The following SMYD3 variants were observed in gnomAD, a reference collection of about 807,000 sequenced individuals.
SMYD3 encodes the protein SET and MYND domain containing 3.
In SMYD3, 36 loss-of-function variants were observed where a neutral mutation model predicts 57.7. The ratio of observed to expected loss-of-function variants is 0.62; its 90% CI spans 0.48 to 0.82. The LOEUF is 0.82. Among genes scored for constraint, SMYD3 ranks in the 40% least tolerant of loss-of-function variants. The pLI is 0.00. For synonymous variants in SMYD3, 211 were observed against 195.0 expected, an observed-to-expected ratio of 1.08 and a Z score of -0.68; for missense variants, 515 against 538.8, an observed-to-expected ratio of 0.96 and a Z score of 0.44.
intron 5 of SMYD3, among the ~76,000 whole-genome samples, chr1:246,081,806 C>A (rs2060641661): frequency 6.6e-6 from 1 of 152,208 alleles, no homozygotes; most frequent in African/African-American, 2.4e-5. Context: ...TACCTGTAAT[C>A]CTGGCACTTT....
At chr1:246,015,170 G>A (rs1044492573) in intron 5 of SMYD3, among the ~76,000 whole-genome samples, 34 of 152,066 alleles carry the variant, frequency 2.2e-4, no homozygotes, top group African/African-American at 7.7e-4. Flanking sequence ...CCCCCAGGGC[G>A]TGGTAGGTCA....
At chr1:246,256,721 T>C (rs938614280) in intron 5 of SMYD3, among the ~76,000 whole-genome samples, 2 of 152,094 alleles carry the variant, frequency 1.3e-5, no homozygotes, top group African/African-American at 2.4e-5. Context: ...CTTTGAAATG[T>C]TTGTTCTTGT....
intron 8 of SMYD3, among the ~76,000 whole-genome samples, chr1:245,894,588 A>C (rs1486797342): frequency 6.6e-6 from 1 of 152,006 alleles, no homozygotes; most frequent in East Asian, 1.9e-4. Context: ...GAAGGAACCA[A>C]CTCTGGACAC....
At chr1:246,123,299 G>A (rs1383694891) in intron 5 of SMYD3, among the ~76,000 whole-genome samples, 1 of 152,092 alleles carries the variant, frequency 6.6e-6, no homozygotes, top group African/African-American at 2.4e-5. Flanking sequence ...CCTGCATGGT[G>A]GCTCACGCCT....
intron 8 of SMYD3, among the ~76,000 whole-genome samples, chr1:245,867,244 A>G (rs1022494123): frequency 1.3e-5 from 2 of 152,244 alleles, no homozygotes; most frequent in Non-Finnish European, 2.9e-5. Context: ...GGCAAAGGCA[A>G]GGAACCAGTC....
At chr1:245,827,078 C>G (rs554605790) in intron 10 of SMYD3, among the ~76,000 whole-genome samples, 1 of 152,308 alleles carries the variant, frequency 6.6e-6, no homozygotes, top group African/African-American at 2.4e-5. Context: ...TGAGCACTCA[C>G]ACTGCGCTAA....
intron 10 of SMYD3, among the ~76,000 whole-genome samples, chr1:245,797,615 G>A (rs1046395924): frequency 1.3e-4 from 20 of 151,580 alleles, no homozygotes; most frequent in African/African-American, 4.6e-4. Context: ...CATGGCACAT[G>A]TATACATATG....
intron 1 of SMYD3, among the ~76,000 whole-genome samples, chr1:246,448,704 T>TAAAA (rs1553349829): frequency 0.23 from 19,133 of 81,424 alleles, 3,488 homozygotes; most frequent in African/African-American, 0.26. Flanking sequence ...CTCTTTTTTT[T>TAAAA]AAAAAAAAAA....
intron 5 of SMYD3, among the ~76,000 whole-genome samples, chr1:246,054,038 T>C (rs2060106890): frequency 6.6e-6 from 1 of 152,196 alleles, no homozygotes; most frequent in Admixed American, 6.5e-5. Flanking sequence ...GACCCAGGAC[T>C]TGTATCCATG....
chr1:245,828,235 T>G (rs1234914539), intron 10 of SMYD3, among the ~76,000 whole-genome samples: 1 of 152,216 alleles, frequency 6.6e-6, no homozygotes, highest in Non-Finnish European at 1.5e-5. Flanking sequence ...CAGAGTAAAG[T>G]GTGAAAGACT....
chr1:246,352,154 A>C (rs71585178), intron 2 of SMYD3, among the ~76,000 whole-genome samples: 1 of 150,320 alleles, frequency 6.7e-6, no homozygotes, highest in African/African-American at 2.4e-5. Context: ...AAAAAAAAAA[A>C]AAAAAAAAAC....
At chr1:246,301,893 G>A (rs970845619) in intron 5 of SMYD3, among the ~76,000 whole-genome samples, 1 of 152,164 alleles carries the variant, frequency 6.6e-6, no homozygotes, top group African/African-American at 2.4e-5. Context: ...GGGACAGAAA[G>A]TAAGCAAGGA....
At chr1:246,240,113 C>T (rs10924597) in intron 5 of SMYD3, among the ~76,000 whole-genome samples, 31,563 of 152,020 alleles carry the variant, frequency 0.21, 3,991 homozygotes, top group East Asian at 0.58. Context: ...CATTTGTCTA[C>T]TTTGGCTTTT....
At chr1:246,362,607 C>T (rs1176045833) in intron 1 of SMYD3, among the ~76,000 whole-genome samples, 5 of 152,182 alleles carry the variant, frequency 3.3e-5, no homozygotes, top group Non-Finnish European at 7.4e-5. Context: ...ATTGCAGGCG[C>T]GCACCGCCAC....
At chr1:246,228,002 CCCAAACT>C (rs71736527) in intron 5 of SMYD3, among the ~76,000 whole-genome samples, 38,204 of 142,916 alleles carry the variant, frequency 0.27, 5,741 homozygotes, top group East Asian at 0.58. Flanking sequence ...CACTCCATCA[CCCAAACT>C]CCAAACTACA....
intron 2 of SMYD3, among the ~76,000 whole-genome samples, chr1:246,346,287 AAAAC>A (rs931419649): frequency 6.6e-6 from 1 of 152,118 alleles, no homozygotes; most frequent in Non-Finnish European, 1.5e-5. Flanking sequence ...TGTCTCAAAA[AAAAC>A]AAACAAACTA....
intron 10 of SMYD3, among the ~76,000 whole-genome samples, chr1:245,764,380 A>G (rs1054991289): frequency 1.3e-5 from 2 of 150,832 alleles, no homozygotes; most frequent in African/African-American, 2.4e-5. Context: ...TGACAGGACT[A>G]GAAGGTCTCC....
At chr1:246,222,697 A>G (rs2063275661) in intron 5 of SMYD3, among the ~76,000 whole-genome samples, 1 of 152,188 alleles carries the variant, frequency 6.6e-6, no homozygotes, top group African/African-American at 2.4e-5. Flanking sequence ...AATTTAGGGA[A>G]AAAGAAAAGT....
chr1:246,036,799 C>T (rs558606252), intron 5 of SMYD3, among the ~76,000 whole-genome samples: 2 of 150,372 alleles, frequency 1.3e-5, no homozygotes, highest in East Asian at 2.0e-4. Flanking sequence ...CTCCTGACCT[C>T]GTGATCCGCC....
Sources: allele counts gnomAD v4.1 joint callset (sites outside exome capture counted in the v4.1 genomes callset), GRCh38; gene constraint gnomAD v4.1.1; transcripts MANE v1.5; gene names NCBI Gene and HGNC (gene_info 2026-07-23, HGNC 2026-07-21).